AARS1: variants seen among roughly 807,000 people sequenced by gnomAD.
AARS1 encodes the protein alanyl-tRNA synthetase 1.
Under a neutral mutation model 108.9 loss-of-function variants are expected in AARS1, and 72 were observed. The ratio of observed to expected loss-of-function variants is 0.66; its 90% CI spans 0.55 to 0.80. The LOEUF is 0.80. AARS1 is among the 30% of genes least tolerant of loss of function. The pLI is 0.00. For missense variants in AARS1, 1,193 were observed against 1,233.2 expected, an observed-to-expected ratio of 0.97 and a Z score of 0.49; for synonymous variants, 489 against 465.7, an observed-to-expected ratio of 1.05 and a Z score of -0.64.
intron 20 of AARS1, 139 bp downstream of exon 20, chr16:70,253,129 A>G (rs1418381039): frequency 4.5e-6 from 4 of 884,496 alleles, no homozygotes; most frequent in Non-Finnish European, 7.4e-6. Flanking sequence ...CACCAATAAG[A>G]AGGCCTGGGT....
intron 3 of AARS1, 136 bp from the exon 4 acceptor site, chr16:70,276,767 A>G: frequency 8.3e-7 from 1 of 1,211,338 alleles, no homozygotes; most frequent in Non-Finnish European, 1.2e-6. Context: ...CAGTTTATGT[A>G]AGAAATCCAA....
At chr16:70,259,772 T>G (rs1426478124) in intron 13 of AARS1, among the ~76,000 whole-genome samples, 1 of 150,192 alleles carries the variant, frequency 6.7e-6, no homozygotes, top group Non-Finnish European at 1.5e-5. Context: ...TAAATTTTTA[T>G]AAACAGTTTT....
chr16:70,275,193 G>A (rs1022249785), intron 4 of AARS1, among the ~76,000 whole-genome samples: 1 of 152,128 alleles, frequency 6.6e-6, no homozygotes, highest in African/African-American at 2.4e-5. Flanking sequence ...CCGGGAGGCA[G>A]AGGTTACAGT....
At chr16:70,253,594 A>T (rs1959902409) in intron 19 of AARS1, 120 bp downstream of exon 19, 15 of 1,250,990 alleles carry the variant, frequency 1.2e-5, no homozygotes, top group Non-Finnish European at 1.6e-5. Flanking sequence ...TGCTCCTCCC[A>T]ATCTCAATCC....
chr16:70,261,454 C>T (rs1960128894), intron 12 of AARS1: 1 of 333,404 alleles, frequency 3.0e-6, no homozygotes, highest in Non-Finnish European at 5.8e-6. Context: ...AAAAATTAGC[C>T]AGGCGTGAAG....
At chr16:70,265,696 C>A (rs773150821) in intron 9 of AARS1, 34 bp from the exon 10 acceptor site, 35 of 1,588,938 alleles carry the variant, frequency 2.2e-5, no homozygotes, top group African/African-American at 5.3e-5. Flanking sequence ...TCAAAAAAAA[C>A]AGACAGCCCC....
At chr16:70,260,957 C>A (rs1960118199) in intron 13 of AARS1, 87 bp downstream of exon 13, 3 of 1,087,870 alleles carry the variant, frequency 2.8e-6, no homozygotes, top group East Asian at 2.5e-5. Flanking sequence ...CCACCACACC[C>A]GGCCCAACAG....
intron 13 of AARS1, among the ~76,000 whole-genome samples, chr16:70,260,531 T>G (rs1960108080): frequency 6.6e-6 from 1 of 152,174 alleles, no homozygotes; most frequent in Non-Finnish European, 1.5e-5. Flanking sequence ...CACGGGATCT[T>G]AACTGAAATC....
intron 1 of AARS1, among the ~76,000 whole-genome samples, chr16:70,285,935 C>A (rs1960828223): frequency 6.6e-6 from 1 of 152,152 alleles, no homozygotes; most frequent in Non-Finnish European, 1.5e-5. Flanking sequence ...AGCTACTTTC[C>A]AAAAGACACA....
chr16:70,268,406 A>G (rs762188112), intron 7 of AARS1, 27 bp from the exon 8 acceptor site: 13 of 1,598,712 alleles, frequency 8.1e-6, no homozygotes, highest in South Asian at 5.5e-5. Context: ...CTAGTCCCCA[A>G]CGTTCCCAGC....
chr16:70,273,588 C>T (rs1020907919), intron 4 of AARS1, among the ~76,000 whole-genome samples: 18 of 152,034 alleles, frequency 1.2e-4, no homozygotes, highest in African/African-American at 3.6e-4. Context: ...CAGGGCCGGG[C>T]GCAGTGGCTC....
intron 12 of AARS1, chr16:70,261,479 T>G: frequency 3.2e-6 from 1 of 313,776 alleles, no homozygotes; most frequent in Non-Finnish European, 6.2e-6. Context: ...GTGCCTATAA[T>G]TCCACCTACT....
intron 4 of AARS1, among the ~76,000 whole-genome samples, chr16:70,272,899 C>CACACACAT (rs1597444060): frequency 1.3e-5 from 2 of 150,772 alleles, no homozygotes; most frequent in East Asian, 4.2e-4. Flanking sequence ...GACACACACA[C>CACACACAT]ACACACACAC....
At chr16:70,283,427 G>A (rs372880932) in intron 1 of AARS1, among the ~76,000 whole-genome samples, 2 of 151,190 alleles carry the variant, frequency 1.3e-5, no homozygotes, top group African/African-American at 4.9e-5. Flanking sequence ...AAAAAAAAAA[G>A]AAAAAAAGGG....
At chr16:70,267,555 A>G (rs1454958999) in intron 9 of AARS1, 104 bp downstream of exon 9, 13 of 1,404,814 alleles carry the variant, frequency 9.3e-6, no homozygotes, top group Admixed American at 1.8e-5. Flanking sequence ...AGCTATGTTC[A>G]GCCTCAGAGA....
Position 70,254,049 on chromosome 16 carries a change from T to TA in AARS1, c.2401-12dup. 6.2e-7 allele frequency: 1 copy of TA among 1,613,698 alleles called. No homozygotes were observed. Among genetic ancestry groups the TA allele is most frequent in the Non-Finnish European group, 8.5e-7 (1 of 1,180,012 alleles). On this transcript the variant is annotated splice_polypyrimidine_tract_variant and intron_variant, in intron 17 of 20. Transcript: ENST00000261772. ...TGCAGTGGCCAGGGCCTGGAACCAA[T>TA]AGACGACCATCTCAATCTGGGCCAC...
intron 1 of AARS1, among the ~76,000 whole-genome samples, chr16:70,284,518 C>G (rs150827597): frequency 6.6e-6 from 1 of 152,088 alleles, no homozygotes; most frequent in African/African-American, 2.4e-5. Context: ...AGGAGAATGG[C>G]GTGAACCCAG....
intron 11 of AARS1, among the ~76,000 whole-genome samples, 184 bp from the exon 12 acceptor site, chr16:70,262,708 C>T (rs997143260): frequency 4.6e-5 from 7 of 151,294 alleles, no homozygotes; most frequent in African/African-American, 1.5e-4. Context: ...GGTGGCTCCC[C>T]CTATAATCCC....
chr16:70,252,466 G>C lies in AARS1; in HGVS notation c.*255C>G. 1.8e-6 allele frequency: 1 copy of C among 553,386 alleles called. No individual in the cohort carries two copies. The highest frequency in any genetic ancestry group is 3.2e-6 in the Non-Finnish European group (1 of 307,798). The allele number at this position is 553,386 out of a possible 1,614,324, so 34.3% of individuals were successfully genotyped here. A position where few individuals can be genotyped will look rare whatever the true frequency, so the allele number is the denominator to read the frequency against. The stretch of plus-strand genomic sequence containing the variant: ...GACGCGGAAAGCTCAGGTCTGGAGA[G>C]CCGTTATCTATAGATGCGAGCGTGA... On this transcript the variant is annotated 3_prime_UTR_variant, in exon 21 of 21. Coordinates refer to ENST00000261772, the MANE Select transcript of AARS1 (RefSeq NM_001605.3).
Sources: allele counts gnomAD v4.1 joint callset (sites outside exome capture counted in the v4.1 genomes callset), GRCh38; gene constraint gnomAD v4.1.1; transcripts MANE v1.5; gene names NCBI Gene and HGNC (gene_info 2026-07-23, HGNC 2026-07-21).